Variants in CHST11 observed in about 807,000 individuals in gnomAD.
CHST11 encodes the protein C4S-1.
Under a neutral mutation model 30.4 loss-of-function variants are expected in CHST11, and 9 were observed. The ratio of observed to expected loss-of-function variants is 0.30; its 90% CI spans 0.18 to 0.52. The LOEUF (loss-of-function observed/expected upper bound fraction) is 0.52, where lower values mean the gene tolerates loss of function less well. Among genes scored for constraint, CHST11 ranks in the 20% least tolerant of loss-of-function variants. The pLI, the probability that CHST11 is intolerant of heterozygous loss-of-function variation, is 0.97. For missense variants in CHST11, 348 were observed against 460.6 expected (o/e 0.76, Z 2.24); for synonymous variants, 152 against 187.8 (o/e 0.81, Z 1.56).
chr12:104,627,694 T>C (rs1566014169), intron 2 of CHST11, among the ~76,000 whole-genome samples: 1 of 152,204 alleles, frequency 6.6e-6, no homozygotes, highest in Non-Finnish European at 1.5e-5. Flanking sequence ...TTCTCTCCTT[T>C]TGGGCATTTA....
intron 1 of CHST11, among the ~76,000 whole-genome samples, chr12:104,559,692 A>G (rs1253751299): frequency 3.3e-5 from 5 of 152,186 alleles, no homozygotes; most frequent in Non-Finnish European, 5.9e-5. Context: ...GCAGTGAGCC[A>G]AGATCATATC....
intron 1 of CHST11, among the ~76,000 whole-genome samples, chr12:104,548,197 C>T (rs1390800529): frequency 6.6e-6 from 1 of 152,172 alleles, no homozygotes; most frequent in Non-Finnish European, 1.5e-5. Context: ...CACGGTGGCA[C>T]ACAGTAGGTG....
intron 1 of CHST11, among the ~76,000 whole-genome samples, chr12:104,579,564 G>A (rs924287844): frequency 1.3e-5 from 2 of 152,168 alleles, no homozygotes; most frequent in African/African-American, 4.8e-5. Context: ...TGTCAGAAAT[G>A]GGCTACTATC....
intron 2 of CHST11, among the ~76,000 whole-genome samples, chr12:104,692,335 C>T (rs1016347533): frequency 3.3e-5 from 5 of 152,224 alleles, no homozygotes; most frequent in Admixed American, 6.5e-5. Flanking sequence ...CTACCACCTT[C>T]AAGACATTGC....
chr12:104,548,608 C>T (rs1704904), intron 1 of CHST11, among the ~76,000 whole-genome samples: 9,871 of 152,244 alleles, frequency 0.065, 868 homozygotes, highest in East Asian at 0.47. Flanking sequence ...CAGGTTCTTC[C>T]GGTCCCTCCT....
intron 2 of CHST11, among the ~76,000 whole-genome samples, chr12:104,642,275 A>G (rs1234132633): frequency 6.6e-6 from 1 of 152,200 alleles, no homozygotes; most frequent in African/African-American, 2.4e-5. Context: ...ATGATCTCTA[A>G]TATGAAAAAA....
chr12:104,755,532 T>C (rs2040467705), intron 2 of CHST11, among the ~76,000 whole-genome samples: 1 of 152,128 alleles, frequency 6.6e-6, no homozygotes, highest in South Asian at 2.1e-4. Context: ...ACCCCTGCAG[T>C]CTCAGCACTT....
At chr12:104,526,260 T>A (rs540736746) in intron 1 of CHST11, among the ~76,000 whole-genome samples, 1 of 152,136 alleles carries the variant, frequency 6.6e-6, no homozygotes, top group African/African-American at 2.4e-5. Context: ...AGGGAGAATT[T>A]CTCTTGGTGT....
At chr12:104,669,491 G>T (rs1386466343) in intron 2 of CHST11, among the ~76,000 whole-genome samples, 2 of 152,190 alleles carry the variant, frequency 1.3e-5, no homozygotes. Flanking sequence ...TCTGAATGCA[G>T]GCCTCCAGAC....
At chr12:104,679,592 G>A (rs1478387258) in intron 2 of CHST11, among the ~76,000 whole-genome samples, 2 of 152,148 alleles carry the variant, frequency 1.3e-5, no homozygotes, top group Non-Finnish European at 2.9e-5. Context: ...GCTGGTGAGG[G>A]GGGCCAGGCC....
chr12:104,541,346 C>CT (rs1487234877), intron 1 of CHST11, among the ~76,000 whole-genome samples: 1 of 151,980 alleles, frequency 6.6e-6, no homozygotes, highest in Non-Finnish European at 1.5e-5. Context: ...CTTGACATCC[C>CT]TTTTGGGGGT....
chr12:104,716,245 G>A (rs1420268046), intron 2 of CHST11, among the ~76,000 whole-genome samples: 3 of 152,142 alleles, frequency 2.0e-5, no homozygotes, highest in Admixed American at 6.5e-5. Context: ...GAGTCACACC[G>A]TCCTTCTTCT....
At chr12:104,525,326 C>G (rs1425597944) in intron 1 of CHST11, among the ~76,000 whole-genome samples, 1 of 152,176 alleles carries the variant, frequency 6.6e-6, no homozygotes, top group Non-Finnish European at 1.5e-5. Context: ...AGTGTATACT[C>G]TTCAGAATTA....
chr12:104,476,018 ATATAT>A (rs1039439307), intron 1 of CHST11, among the ~76,000 whole-genome samples: 55 of 144,580 alleles, frequency 3.8e-4, no homozygotes, highest in African/African-American at 9.0e-4. Flanking sequence ...TTATAAATAA[ATATAT>A]TATAATATAT....
In CHST11 at chr12:104,643,386, T is replaced by G. The variant is rs188190082; in HGVS notation, c.204+41395T>G. ...TGTTGTTGCTCCTCACCACCCATTT[T>G]AGAGATGAGGAAGCAGAAGTTTGGA... is the stretch of plus-strand genomic sequence containing the variant. On this transcript the variant is annotated intron_variant, in intron 2 of 2. Transcript: ENST00000303694. Among the ~76,000 whole-genome samples the G allele has an allele frequency of 4.4e-4, 67 of 152,328 alleles. 1 individual carries two copies. The highest frequency in any genetic ancestry group is 1.5e-3 in the African/African-American group (62 of 41,572).
chr12:104,573,726 C>G (rs901695039), intron 1 of CHST11, among the ~76,000 whole-genome samples: 7 of 152,218 alleles, frequency 4.6e-5, no homozygotes, highest in African/African-American at 1.7e-4. Context: ...GGATTAAAGA[C>G]TTAAATGTTA....
At chr12:104,657,565 A>G (rs1405606867) in intron 2 of CHST11, among the ~76,000 whole-genome samples, 1 of 151,816 alleles carries the variant, frequency 6.6e-6, no homozygotes. Context: ...CCCCGCTCCC[A>G]TGTTTTTTCT....
At chr12:104,497,348 G>A (rs1043494965) in intron 1 of CHST11, among the ~76,000 whole-genome samples, 4 of 152,198 alleles carry the variant, frequency 2.6e-5, no homozygotes, top group South Asian at 2.1e-4. Flanking sequence ...CAGAGGAAAG[G>A]CCTCATGGGA....
intron 2 of CHST11, among the ~76,000 whole-genome samples, chr12:104,671,746 C>A (rs1307198804): frequency 6.6e-6 from 1 of 152,084 alleles, no homozygotes; most frequent in Non-Finnish European, 1.5e-5. Flanking sequence ...CTTTCTCTCT[C>A]TTTTTCTCTC....
Sources: allele counts gnomAD v4.1 joint callset (sites outside exome capture counted in the v4.1 genomes callset), GRCh38; gene constraint gnomAD v4.1.1; transcripts MANE v1.5; gene names NCBI Gene and HGNC (gene_info 2026-07-23, HGNC 2026-07-21).